The following ABCA13 variants were observed in gnomAD, a reference collection of about 807,000 sequenced individuals.
The protein encoded by ABCA13 is ATP binding cassette subfamily A member 13, also known as ATP-binding cassette sub-family A member 13.
ABCA13 carries 476 observed loss-of-function variants against 478.7 expected under a neutral mutation model. The observed-to-expected ratio is 0.99, with a 90% confidence interval of 0.92 to 1.07. The LOEUF is 1.07. Among genes scored for constraint, ABCA13 ranks in the 50% least tolerant of loss-of-function variants. The pLI is 0.00. For synonymous variants in ABCA13, 2,252 were observed against 2,158.9 expected, an observed-to-expected ratio of 1.04 and a Z score of -1.20; for missense variants, 6,060 against 5,910.6, an observed-to-expected ratio of 1.03 and a Z score of -0.83.
In ABCA13 at chr7:48,275,758, A is replaced by G. The variant is rs1373967529; in HGVS notation, c.6092A>G (p.Asn2031Ser). ...NLLSLFMMLQ[N>S]ANVTGSSLEA... ...CTCTCTTTATTCATGATGCTCCAGA[A>G]TGCAAATGTCACAGGTAGCAGTTTA... The change falls in exon 17 of 62, where the codon AAT (asparagine) becomes AGT (serine). Residue 2031 changes from asparagine (N) to serine (S), a missense_variant. Asn to Ser is a conservative substitution (Grantham distance 46, BLOSUM62 1). Transcript: ENST00000435803. 6.2e-7 allele frequency: 1 copy of G among 1,610,474 alleles called. No individual in the cohort carries two copies. The highest frequency in any genetic ancestry group is 1.7e-5 in the Admixed American group (1 of 59,406).
chr7:48,516,429 T>C (rs1378254970), intron 51 of ABCA13, among the ~76,000 whole-genome samples: 1 of 152,236 alleles, frequency 6.6e-6, no homozygotes, highest in East Asian at 1.9e-4. Context: ...AGTGCTTGTG[T>C]TCAAGGGACC....
chr7:48,347,333 C>T (rs542237242), intron 29 of ABCA13, among the ~76,000 whole-genome samples: 8 of 152,276 alleles, frequency 5.3e-5, no homozygotes, highest in South Asian at 2.1e-4. Context: ...AGTTATTTCA[C>T]GGAATTTTCA....
chr7:48,437,652 A>G (rs749162317), intron 42 of ABCA13, among the ~76,000 whole-genome samples: 1 of 151,992 alleles, frequency 6.6e-6, no homozygotes, highest in African/African-American at 2.4e-5. Flanking sequence ...AATGGGTAAG[A>G]TTTCCCTGTT....
intron 10 of ABCA13, 151 bp from the exon 11 acceptor site, chr7:48,244,425 A>C: frequency 1.1e-6 from 1 of 922,490 alleles, no homozygotes; most frequent in South Asian, 1.8e-5. Flanking sequence ...ATTTGTCAAG[A>C]ACCTGGTTGT....
chr7:48,325,133 C>T (rs1257580302), intron 27 of ABCA13, among the ~76,000 whole-genome samples: 1 of 152,168 alleles, frequency 6.6e-6, no homozygotes, highest in Admixed American at 6.5e-5. Context: ...GGGAAGCCTG[C>T]TAATTTGTGC....
intron 1 of ABCA13, among the ~76,000 whole-genome samples, chr7:48,178,032 A>T (rs1795121223): frequency 6.6e-6 from 1 of 151,864 alleles, no homozygotes; most frequent in Admixed American, 6.6e-5. Context: ...CTCCCTTTGT[A>T]TTTTTTTTAG....
At chr7:48,541,903 G>A (rs1396293904) in intron 55 of ABCA13, among the ~76,000 whole-genome samples, 2 of 144,936 alleles carry the variant, frequency 1.4e-5, no homozygotes, top group African/African-American at 5.2e-5. Context: ...GTTAAAAAAG[G>A]TATTTTTTTT....
rs547305559 is a variant in ABCA13 at position 48,334,144 on chromosome 7, C to G, written c.10000-1278C>G. 1.3e-4 allele frequency among the ~76,000 whole-genome samples: 20 copies of G among 152,074 alleles called. No homozygotes were observed. In the South Asian group the frequency reaches 4.1e-3, roughly 32 times the overall value. On this transcript the variant is annotated intron_variant, in intron 27 of 61. Transcript: ENST00000435803. ...GTGTGTACGTGTGTGTGTGTATTCT[C>G]TATTTGCAGTTTTTAAAGATTTTAC...
intron 38 of ABCA13, among the ~76,000 whole-genome samples, chr7:48,392,887 T>G (rs1296389414): frequency 6.6e-6 from 1 of 152,150 alleles, no homozygotes; most frequent in Non-Finnish European, 1.5e-5. Context: ...AGCAGAGAAC[T>G]CCCGGTAGGG....
In ABCA13 at chr7:48,310,142, G is replaced by A. The variant is rs1584773910; in HGVS notation, c.9516+1G>A. On this transcript the variant is annotated splice_donor_variant, in intron 24 of 61. Coordinates refer to ENST00000435803, the MANE Select transcript of ABCA13 (RefSeq NM_152701.5). LOFTEE classifies it high-confidence loss of function. ...GGATGTGCGAGCTTTCATTTACAAG[G>A]TATGGAGAGCATGCTGGCTGGGGGC... The A allele has an allele frequency of 6.2e-7, 1 of 1,602,610 alleles. No homozygotes were observed. Among genetic ancestry groups the A allele is most frequent in the Non-Finnish European group, 8.5e-7 (1 of 1,173,328 alleles).
intron 35 of ABCA13, among the ~76,000 whole-genome samples, chr7:48,379,182 T>C (rs903677748): frequency 1.3e-5 from 2 of 152,234 alleles, no homozygotes; most frequent in Non-Finnish European, 2.9e-5. Flanking sequence ...CAGATTCTTT[T>C]ATTTCAAAAG....
intron 27 of ABCA13, among the ~76,000 whole-genome samples, chr7:48,326,557 T>C (rs1462259707): frequency 1.3e-5 from 2 of 152,196 alleles, no homozygotes; most frequent in African/African-American, 4.8e-5. Flanking sequence ...TTATGCCTTA[T>C]ACCTACAATA....
intron 27 of ABCA13, among the ~76,000 whole-genome samples, chr7:48,335,169 T>G (rs1806055183): frequency 1.3e-5 from 2 of 152,200 alleles, no homozygotes; most frequent in South Asian, 4.1e-4. Context: ...TACCCAGCAG[T>G]GACTCTAACA....
rs62449168 is a variant in ABCA13 at position 48,240,857 on chromosome 7, G to A, written c.1063-10G>A. On this transcript the variant is annotated splice_polypyrimidine_tract_variant and intron_variant, in intron 9 of 61. Coordinates refer to ENST00000435803, the MANE Select transcript of ABCA13 (RefSeq NM_152701.5). ...TATTAATGCTAGTATTTTGGTTTCC[G>A]AATTTGTAGGTGTTTGTTCAGTGGC... 0.1 allele frequency: 152,390 copies of A among 1,485,684 alleles called. 8,389 individuals carry two copies. Among genetic ancestry groups the A allele is most frequent in the East Asian group, 0.16 (6,898 of 42,322 alleles). 92.0% of individuals were successfully genotyped at this position (1,485,684 alleles called of 1,614,324 possible).
intron 44 of ABCA13, 119 bp from the exon 45 acceptor site, chr7:48,471,411 G>A (rs949997643): frequency 1.2e-5 from 10 of 860,424 alleles, no homozygotes; most frequent in Admixed American, 4.9e-5. Flanking sequence ...CTGCCTTCTC[G>A]GCAGTGGGAG....
chr7:48,219,793 ACT>A (rs1787077472), intron 4 of ABCA13, among the ~76,000 whole-genome samples: 2 of 149,518 alleles, frequency 1.3e-5, no homozygotes, highest in Admixed American at 1.3e-4. Flanking sequence ...CCTTCTCACC[ACT>A]CTGCCTACTC....
Position 48,275,754 on chromosome 7 carries a change from CA to C in ABCA13, c.6089del (p.Gln2030ArgfsTer10), listed in dbSNP as rs769268463. Reference protein sequence around the residue: ...HNLLSLFMMLQNANVTGSSLE... With the variant: ...HNLLSLFMMLXNANVTGSSLE... ...TCTACTCTCTTTATTCATGATGCTC[CA>C]GAATGCAAATGTCACAGGTAGCAGT... On this transcript the variant is annotated frameshift_variant, in exon 17 of 62. Transcript: ENST00000435803. LOFTEE classifies it high-confidence loss of function. 2.5e-6 allele frequency: 4 copies of C among 1,609,624 alleles called. No homozygotes were observed. The African/African-American group carries it at 5.3e-5, about 22-fold the overall frequency.
chr7:48,462,410 C>T (rs977086448), intron 43 of ABCA13, among the ~76,000 whole-genome samples: 1 of 151,066 alleles, frequency 6.6e-6, no homozygotes, highest in Non-Finnish European at 1.5e-5. Context: ...TGGAATTGTG[C>T]AAGATTTCTT....
At chr7:48,322,118 A>G (rs1803575501) in intron 27 of ABCA13, among the ~76,000 whole-genome samples, 1 of 152,192 alleles carries the variant, frequency 6.6e-6, no homozygotes, top group Non-Finnish European at 1.5e-5. Flanking sequence ...TGCATCCCCA[A>G]GCAGTGAGGT....
Sources: gnomAD v4.1 joint callset for allele counts (sites outside exome capture counted in the v4.1 genomes callset) on GRCh38, gnomAD v4.1.1 for gene constraint, MANE v1.5 for transcripts, NCBI Gene and HGNC (gene_info 2026-07-23, HGNC 2026-07-21) for gene names.